The following TG variants were observed in gnomAD, a reference collection of about 807,000 sequenced individuals.
The protein encoded by TG is thyroid hormones.
Under a neutral mutation model 324.7 loss-of-function variants are expected in TG, and 270 were observed. The observed-to-expected ratio is 0.83, with a 90% CI of 0.75 to 0.92. TG has a LOEUF of 0.92. Ranked by LOEUF, TG falls within the 40% of genes least tolerant of loss-of-function variation. The pLI, the probability that TG is intolerant of heterozygous loss-of-function variation, is 0.00. For missense variants in TG, 3,591 were observed against 3,456.4 expected (o/e 1.04, Z -0.98); for synonymous variants, 1,401 against 1,327.0 (o/e 1.06, Z -1.21).
chr8:132,893,457 A>G (rs1179575916), intron 10 of TG, among the ~76,000 whole-genome samples: 2 of 52,662 alleles, frequency 3.8e-5, no homozygotes, highest in African/African-American at 7.9e-5. Context: ...TGTGTGTAGT[A>G]TGGGGGGTGG....
chr8:133,113,419 T>C lies in TG; in HGVS notation c.7573-3T>C. On this transcript the variant is annotated splice_region_variant and splice_polypyrimidine_tract_variant and intron_variant, in intron 43 of 47. Coordinates refer to ENST00000220616, the MANE Select transcript of TG (RefSeq NM_003235.5). ...GGAATTTCGTATCTTTTTTTTTTTC[T>C]AGCAATTTGAGGAAAGTCGAGGCCG... is the stretch of plus-strand genomic sequence containing the variant. 4 of 1,613,722 alleles carry C rather than the reference T, an allele frequency of 2.5e-6. No homozygotes were observed. The highest frequency in any genetic ancestry group is 3.4e-6 in the Non-Finnish European group (4 of 1,179,884).
rs928265168 is a variant in TG at position 133,077,847 on chromosome 8, C to A, written c.7240-17197C>A. On this transcript the variant is annotated intron_variant, in intron 41 of 47. Transcript: ENST00000220616. The stretch of plus-strand genomic sequence containing the variant: ...TGCCACAGCATCTCTGGACCTGACC[C>A]CCTAGACAGCAGGAGCCCCCCGCAC... Among the ~76,000 whole-genome samples, 9 of 151,820 alleles carry A rather than the reference C, an allele frequency of 5.9e-5. No homozygotes were observed. The East Asian group carries it at 1.7e-3, about 29-fold the overall frequency.
At chr8:133,092,486 T>C (rs1847719205) in intron 41 of TG, among the ~76,000 whole-genome samples, 1 of 152,214 alleles carries the variant, frequency 6.6e-6, no homozygotes, top group Non-Finnish European at 1.5e-5. Context: ...ACCTGATCCC[T>C]TTACATCCTG....
chr8:132,901,413 A>G lies in TG; in HGVS notation c.3494A>G (p.Tyr1165Cys), dbSNP rs61746583. 3,781 of 1,614,220 alleles carry G rather than the reference A, an allele frequency of 2.3e-3. 65 individuals carry two copies. The African/African-American group carries it at 0.044, about 19-fold the overall frequency. The change falls in exon 16 of 48, where the codon TAT becomes TGT. Residue 1165 changes from tyrosine to cysteine, a missense_variant. Physicochemically the swap from Tyr to Cys is radical, Grantham distance 194. Transcript: ENST00000220616. The part of the protein sequence containing the change: ...GVLSRRVSPG[Y>C]VPACRAEDGG... ...CTCTCCAGGAGAGTCAGCCCAGGCT[A>G]TGTCCCAGCCTGCAGGGCAGAGGAT... is the stretch of plus-strand genomic sequence containing the variant.
chr8:132,876,226 C>T (rs556373123), intron 5 of TG, among the ~76,000 whole-genome samples: 2 of 151,978 alleles, frequency 1.3e-5, no homozygotes, highest in South Asian at 2.1e-4. Flanking sequence ...GAGCAAGTGT[C>T]GGAGAGGACA....
intron 41 of TG, among the ~76,000 whole-genome samples, chr8:133,062,738 G>C (rs2248578): frequency 0.8 from 121,186 of 151,636 alleles, 48,544 homozygotes; most frequent in Admixed American, 0.85. Context: ...AGGAAGCATG[G>C]GTGTGACATG....
Position 133,134,867 on chromosome 8 carries a change from C to A in TG, c.*73C>A. 1 of 1,169,522 alleles carries A rather than the reference C, an allele frequency of 8.6e-7. No homozygotes were observed. Among genetic ancestry groups the A allele is most frequent in the African/African-American group, 1.5e-5 (1 of 66,306 alleles). 72.4% of individuals were successfully genotyped at this position (1,169,522 alleles called of 1,614,324 possible). A position where few individuals can be genotyped will look rare whatever the true frequency, so the allele number is the denominator to read the frequency against. On this transcript the variant is annotated 3_prime_UTR_variant, in exon 48 of 48. Coordinates refer to ENST00000220616, the MANE Select transcript of TG (RefSeq NM_003235.5). ...GTCATCTTTTTCTCTAAAATAGCCACTTACCTTCAATAAAGTATCTACATG... is the reference window on the plus strand; with the variant it reads ...GTCATCTTTTTCTCTAAAATAGCCAATTACCTTCAATAAAGTATCTACATG...
intron 45 of TG, among the ~76,000 whole-genome samples, chr8:133,118,042 C>T (rs766889641): frequency 6.6e-6 from 1 of 152,200 alleles, no homozygotes; most frequent in Admixed American, 6.5e-5. Context: ...GGCAAGGGAA[C>T]TCTTATAAAC....
intron 40 of TG, among the ~76,000 whole-genome samples, 185 bp downstream of exon 40, chr8:133,022,335 C>T (rs1344519063): frequency 6.6e-6 from 1 of 152,176 alleles, no homozygotes; most frequent in Non-Finnish European, 1.5e-5. Flanking sequence ...ATGATAGTTG[C>T]CATTTATTGA....
At chr8:133,063,573 A>C (rs1049806897) in intron 41 of TG, 1 of 152,074 alleles carries the variant, frequency 6.6e-6, no homozygotes, top group Admixed American at 6.6e-5. Flanking sequence ...CAGGAAAAGA[A>C]ACGTACCCAG....
chr8:132,945,987 ATGATTATGTGATG>A (rs1825209776), intron 26 of TG, among the ~76,000 whole-genome samples: 1 of 151,974 alleles, frequency 6.6e-6, no homozygotes, highest in South Asian at 2.1e-4. Context: ...TTAATGTTCT[ATGATTATGTGATG>A]TGGATTCCTG....
chr8:132,958,049 C>A (rs1450722562), intron 27 of TG, among the ~76,000 whole-genome samples: 1 of 152,156 alleles, frequency 6.6e-6, no homozygotes, highest in Non-Finnish European at 1.5e-5. Context: ...TTTGGTTTTT[C>A]ATCCCTGAGT....
At chr8:132,968,346 T>C (rs1404250041) in intron 31 of TG, among the ~76,000 whole-genome samples, 1 of 152,160 alleles carries the variant, frequency 6.6e-6, no homozygotes, top group Non-Finnish European at 1.5e-5. Flanking sequence ...AATTTGACAA[T>C]AGAAAATAAT....
At chr8:133,030,066 G>C in intron 41 of TG, 43 bp downstream of exon 41, 1 of 1,611,862 alleles carries the variant, frequency 6.2e-7, no homozygotes, top group Non-Finnish European at 8.5e-7. Context: ...TGCAGATGCG[G>C]CTGGGGGAGG....
chr8:132,981,765 A>G (rs978905887), intron 34 of TG, among the ~76,000 whole-genome samples: 4 of 152,216 alleles, frequency 2.6e-5, no homozygotes, highest in Non-Finnish European at 5.9e-5. Flanking sequence ...CCCTCCAGGT[A>G]ATTTGGAAGT....
intron 35 of TG, among the ~76,000 whole-genome samples, chr8:133,007,211 T>C (rs866937604): frequency 2.0e-5 from 3 of 152,116 alleles, no homozygotes; most frequent in South Asian, 2.1e-4. Context: ...TGAAATGTCA[T>C]GGGACTGGAG....
intron 43 of TG, among the ~76,000 whole-genome samples, chr8:133,102,152 C>T (rs758750931): frequency 6.6e-6 from 1 of 152,154 alleles, no homozygotes; most frequent in Non-Finnish European, 1.5e-5. Context: ...GTTATCCCTT[C>T]TTCAGATAAT....
intron 35 of TG, among the ~76,000 whole-genome samples, chr8:132,990,007 T>G (rs1832107610): frequency 6.6e-6 from 1 of 151,984 alleles, no homozygotes; most frequent in Non-Finnish European, 1.5e-5. Flanking sequence ...AGATAAAGTA[T>G]AATGCTCAGC....
At chr8:133,004,168 C>T (rs1279836314) in intron 35 of TG, among the ~76,000 whole-genome samples, 1 of 140,414 alleles carries the variant, frequency 7.1e-6, no homozygotes, top group Non-Finnish European at 1.5e-5. Flanking sequence ...CCTCTTACTT[C>T]CAAGGGCATA....
Sources: gnomAD v4.1 joint callset for allele counts (sites outside exome capture counted in the v4.1 genomes callset) on GRCh38, gnomAD v4.1.1 for gene constraint, MANE v1.5 for transcripts, NCBI Gene and HGNC (gene_info 2026-07-23, HGNC 2026-07-21) for gene names.